Variants in RFX3 observed in about 807,000 individuals in gnomAD.
The protein encoded by RFX3 is regulatory factor X3, also known as transcription factor RFX3.
A neutral mutation model predicts 98.6 loss-of-function variants in RFX3; 14 were observed. The observed-to-expected ratio is 0.14, with a 90% CI of 0.09 to 0.22. RFX3 has a LOEUF of 0.22. RFX3 is among the 10% of genes least tolerant of loss of function. The pLI is 1.00. For synonymous variants in RFX3, 383 were observed against 328.4 expected (o/e 1.17, Z -1.80); for missense variants, 639 against 926.9 (o/e 0.69, Z 4.03).
chr9:3,481,153 A>T (rs192253010), intron 1 of RFX3, among the ~76,000 whole-genome samples: 1 of 152,290 alleles, frequency 6.6e-6, no homozygotes, highest in Admixed American at 6.5e-5. Flanking sequence ...GGTAGGTATT[A>T]TCCCTCATTT....
intron 4 of RFX3, among the ~76,000 whole-genome samples, chr9:3,310,355 C>T (rs571945345): frequency 2.0e-5 from 3 of 152,198 alleles, no homozygotes; most frequent in Admixed American, 1.3e-4. Context: ...CCCTTATATG[C>T]TAATAAGGCA....
intron 3 of RFX3, among the ~76,000 whole-genome samples, chr9:3,339,781 T>C (rs1196474262): frequency 1.3e-5 from 2 of 152,170 alleles, no homozygotes; most frequent in East Asian, 1.9e-4. Flanking sequence ...GAACATTCCA[T>C]GCTCATGGGT....
intron 8 of RFX3, among the ~76,000 whole-genome samples, chr9:3,275,979 A>G (rs537592163): frequency 5.9e-5 from 9 of 152,258 alleles, no homozygotes; most frequent in African/African-American, 1.9e-4. Flanking sequence ...TTACATAAAA[A>G]AACGAATTTT....
intron 4 of RFX3, among the ~76,000 whole-genome samples, chr9:3,320,691 CAT>C (rs201840792): frequency 0.021 from 3,069 of 145,662 alleles, 116 homozygotes; most frequent in African/African-American, 0.073. Context: ...TAAATGTGTA[CAT>C]ATGTGTGTGT....
chr9:3,432,372 T>C lies in RFX3; in HGVS notation c.-8-36776A>G, dbSNP rs1019975359. 2.6e-5 allele frequency among the ~76,000 whole-genome samples: 4 copies of C among 152,100 alleles called. No individual in the cohort carries two copies. In the South Asian group the frequency reaches 6.2e-4, roughly 24 times the overall value. The stretch of plus-strand genomic sequence containing the variant: ...TCAATGGAAAGGACTGTCGATACTA[T>C]GGAAGAGAACCCCAGTAGAGAGAAC... On this transcript the variant is annotated intron_variant, in intron 1 of 16. Coordinates refer to ENST00000617270, the MANE Select transcript of RFX3 (RefSeq NM_001282116.2).
intron 5 of RFX3, among the ~76,000 whole-genome samples, chr9:3,297,967 A>G (rs1327586424): frequency 6.6e-6 from 1 of 151,928 alleles, no homozygotes; most frequent in African/African-American, 2.4e-5. Flanking sequence ...ATTCATATTA[A>G]TTAACACCAA....
intron 4 of RFX3, among the ~76,000 whole-genome samples, chr9:3,321,617 T>C (rs772305501): frequency 1.3e-5 from 2 of 152,234 alleles, no homozygotes; most frequent in Non-Finnish European, 2.9e-5. Context: ...TTGAGTATAA[T>C]ACCTCAAAAC....
rs1554728042 is a variant in RFX3 at position 3,504,935 on chromosome 9, AAT to A, written c.-9+20810_-9+20811del. 1.9e-3 allele frequency among the ~76,000 whole-genome samples: 122 copies of A among 63,922 alleles called. 4 individuals are homozygous for A. Among genetic ancestry groups the A allele is most frequent in the African/African-American group, 8.0e-3 (100 of 12,568 alleles). 41.9% of individuals were successfully genotyped at this position (63,922 alleles called of 152,430 possible). On this transcript the variant is annotated intron_variant, in intron 1 of 16. Coordinates refer to ENST00000617270, the MANE Select transcript of RFX3 (RefSeq NM_001282116.2). ...ATATAATATAACATATATTATATAT[AAT>A]ATATATAATATAATATATATTATAT...
intron 9 of RFX3, 33 bp downstream of exon 9, chr9:3,275,467 G>T (rs1029858174): frequency 8.2e-7 from 1 of 1,224,798 alleles, no homozygotes. Context: ...GCAAAACCTA[G>T]CATGTGTTCA....
chr9:3,377,802 A>G lies in RFX3; in HGVS notation c.117+17670T>C, dbSNP rs138907227. 1.7e-3 allele frequency among the ~76,000 whole-genome samples: 263 copies of G among 152,304 alleles called. 3 individuals carry two copies. In the East Asian group the frequency reaches 0.034, roughly 20 times the overall value. On this transcript the variant is annotated intron_variant, in intron 2 of 16. Transcript: ENST00000617270. ...ACTTTGGTGATGTTTATACAGGTAT[A>G]TATGTTTGCCAAAACTCATCAAACA...
chr9:3,488,916 C>G, intron 1 of RFX3: 1 of 983,894 alleles, frequency 1.0e-6, no homozygotes, highest in Non-Finnish European at 1.2e-6. Flanking sequence ...GACCATATAT[C>G]AAATTGAAAT....
At position 3,282,103 on chromosome 9, in the gene RFX3, G is replaced by A. The variant is rs187295692; in HGVS notation, c.852-4642C>T. 2.1e-3 allele frequency among the ~76,000 whole-genome samples: 321 copies of A among 151,834 alleles called. 1 individual carries two copies. The highest frequency in any genetic ancestry group is 1.8e-3 in the Non-Finnish European group (125 of 67,756). On this transcript the variant is annotated intron_variant, in intron 7 of 16. Coordinates refer to ENST00000617270, the MANE Select transcript of RFX3 (RefSeq NM_001282116.2). ...TACTGAGCTCAGAACAAGGGCAGGA[G>A]GCTAGAATTTTCTACTGGAATCTTG...
chr9:3,308,472 T>C (rs1387993591), intron 4 of RFX3, among the ~76,000 whole-genome samples: 1 of 152,164 alleles, frequency 6.6e-6, no homozygotes, highest in Non-Finnish European at 1.5e-5. Flanking sequence ...CGATGAAAAG[T>C]TGCCCAGCCT....
chr9:3,509,001 G>A (rs1047750802), intron 1 of RFX3, among the ~76,000 whole-genome samples: 10 of 151,560 alleles, frequency 6.6e-5, no homozygotes, highest in African/African-American at 2.4e-4. Context: ...AGAGAGGAGA[G>A]AGAGAGAAAT....
chr9:3,262,272 A>T (rs1227520239), intron 13 of RFX3, among the ~76,000 whole-genome samples: 3 of 152,158 alleles, frequency 2.0e-5, no homozygotes, highest in Non-Finnish European at 4.4e-5. Flanking sequence ...ATTGATATTG[A>T]AACTCTATAA....
chr9:3,482,000 C>T (rs191979874), intron 1 of RFX3, among the ~76,000 whole-genome samples: 314 of 152,078 alleles, frequency 2.1e-3, no homozygotes, highest in Admixed American at 4.7e-3. Context: ...TAAAAATATT[C>T]TAAATGTACC....
intron 1 of RFX3, chr9:3,488,827 A>C: frequency 1.0e-6 from 1 of 985,038 alleles, no homozygotes; most frequent in Non-Finnish European, 1.2e-6. Flanking sequence ...ATTTCTCTTG[A>C]GCTTTGTCTC....
intron 1 of RFX3, among the ~76,000 whole-genome samples, chr9:3,401,415 A>G (rs1209878592): frequency 1.3e-5 from 2 of 152,184 alleles, no homozygotes; most frequent in African/African-American, 4.8e-5. Flanking sequence ...CTCCCAGCAT[A>G]ATAGCTTATG....
intron 1 of RFX3, among the ~76,000 whole-genome samples, chr9:3,483,225 G>A (rs957573159): frequency 1.3e-5 from 2 of 152,010 alleles, no homozygotes; most frequent in African/African-American, 4.8e-5. Flanking sequence ...AAATGTTTAG[G>A]GTCATTTTAG....
Sources: gnomAD v4.1 joint callset for allele counts (sites outside exome capture counted in the v4.1 genomes callset) on GRCh38, gnomAD v4.1.1 for gene constraint, MANE v1.5 for transcripts, NCBI Gene and HGNC (gene_info 2026-07-23, HGNC 2026-07-21) for gene names.